Variants in CSMD1 observed in about 807,000 individuals in gnomAD.
CSMD1 encodes CUB and sushi domain-containing protein 1.
A neutral mutation model predicts 417.5 loss-of-function variants in CSMD1; 213 were observed. That is an observed-to-expected ratio of 0.51 (90% CI 0.46 to 0.57). CSMD1 has a LOEUF of 0.57. CSMD1 is among the 20% of genes least tolerant of loss of function. The probability of loss-of-function intolerance (pLI) is 0.00; values close to 1 mark genes in which losing one functional copy is unlikely to be tolerated. For missense variants in CSMD1, 6,923 were observed against 4,529.7 expected (o/e 1.53, Z -15.17); for synonymous variants, 2,862 against 1,736.8 (o/e 1.65, Z -16.11).
At chr8:4,933,991 G>A (rs187563870) in intron 1 of CSMD1, among the ~76,000 whole-genome samples, 353 of 150,438 alleles carry the variant, frequency 2.3e-3, no homozygotes, top group Non-Finnish European at 4.0e-3. Context: ...AGTTACTTAC[G>A]TTTATGCTTT....
intron 3 of CSMD1, among the ~76,000 whole-genome samples, chr8:4,398,930 C>T (rs957938069): frequency 2.6e-5 from 4 of 152,088 alleles, no homozygotes; most frequent in Non-Finnish European, 4.4e-5. Context: ...TTAAGATGCT[C>T]CAGAATATAT....
intron 2 of CSMD1, among the ~76,000 whole-genome samples, chr8:4,475,873 A>G (rs1020548427): frequency 6.6e-6 from 1 of 152,108 alleles, no homozygotes. Flanking sequence ...TTACGCTCCG[A>G]AAGTGCTGGA....
chr8:3,340,358 T>A (rs146151722), intron 23 of CSMD1, among the ~76,000 whole-genome samples: 252 of 152,304 alleles, frequency 1.7e-3, no homozygotes, highest in African/African-American at 5.8e-3. Flanking sequence ...AAAGAAATAT[T>A]GTTTGTACCC....
intron 5 of CSMD1, among the ~76,000 whole-genome samples, chr8:3,796,711 G>A (rs1800175369): frequency 6.6e-6 from 1 of 150,446 alleles, no homozygotes; most frequent in Non-Finnish European, 1.5e-5. Context: ...AGAATGGGTA[G>A]GAAACAATTC....
intron 3 of CSMD1, among the ~76,000 whole-genome samples, chr8:4,363,836 G>T (rs539884408): frequency 6.6e-6 from 1 of 152,014 alleles, no homozygotes; most frequent in South Asian, 2.1e-4. Flanking sequence ...CTTATTTGTG[G>T]GATCTGAAAA....
rs111973194 is a variant in CSMD1, at chr8:3,493,573, T to A, written c.1448+50A>T. ...AGCAGAATCTCATCTCCACCCACCG[T>A]GCCCCGCACTGCATGCATAAGAGAA... is the stretch of plus-strand genomic sequence containing the variant. On this transcript the variant is annotated intron_variant, in intron 11 of 69. Transcript: ENST00000635120. 38 of 1,464,112 alleles carry A rather than the reference T, an allele frequency of 2.6e-5. 1 individual carries two copies. The African/African-American group carries it at 3.2e-4, about 12-fold the overall frequency. 90.7% of individuals were successfully genotyped at this position (1,464,112 alleles called of 1,614,324 possible).
intron 1 of CSMD1, among the ~76,000 whole-genome samples, chr8:4,791,934 T>A (rs1487445503): frequency 6.7e-6 from 1 of 148,598 alleles, no homozygotes; most frequent in African/African-American, 2.5e-5. Context: ...AGTTTCTTTA[T>A]GTTAGTTTTC....
intron 3 of CSMD1, among the ~76,000 whole-genome samples, chr8:4,323,256 T>G (rs973125537): frequency 2.0e-5 from 3 of 152,190 alleles, no homozygotes; most frequent in Non-Finnish European, 4.4e-5. Context: ...GCAATTTTGC[T>G]TAAACGGAAG....
chr8:3,095,107 G>A (rs1815205821), intron 47 of CSMD1, among the ~76,000 whole-genome samples: 1 of 152,120 alleles, frequency 6.6e-6, no homozygotes. Context: ...ATTTGCTCCT[G>A]AAAGTAAGAG....
At chr8:4,638,461 G>A (rs1037664696) in intron 1 of CSMD1, among the ~76,000 whole-genome samples, 1 of 152,180 alleles carries the variant, frequency 6.6e-6, no homozygotes, top group Non-Finnish European at 1.5e-5. Flanking sequence ...AACAAGGTAA[G>A]TTAAATGACG....
chr8:4,249,175 C>G (rs1802895546), intron 3 of CSMD1, among the ~76,000 whole-genome samples: 1 of 152,148 alleles, frequency 6.6e-6, no homozygotes, highest in South Asian at 2.1e-4. Flanking sequence ...GAATGATAGA[C>G]TACTTGAAGC....
At chr8:3,894,473 T>G (rs1335419571) in intron 5 of CSMD1, among the ~76,000 whole-genome samples, 1 of 152,148 alleles carries the variant, frequency 6.6e-6, no homozygotes, top group Non-Finnish European at 1.5e-5. Flanking sequence ...TCTTGAGACC[T>G]CAAATATAGA....
intron 6 of CSMD1, among the ~76,000 whole-genome samples, chr8:3,749,316 G>A (rs577028873): frequency 2.0e-5 from 3 of 152,238 alleles, no homozygotes; most frequent in South Asian, 2.1e-4. Flanking sequence ...TATATTGTGG[G>A]TTTTTCCCCT....
chr8:3,980,555 C>T (rs562197839), intron 5 of CSMD1, among the ~76,000 whole-genome samples: 1 of 152,212 alleles, frequency 6.6e-6, no homozygotes, highest in African/African-American at 2.4e-5. Context: ...TTTGGTTTTC[C>T]ACTCAAATTC....
chr8:4,825,875 G>A (rs948571413), intron 1 of CSMD1, among the ~76,000 whole-genome samples: 4 of 151,206 alleles, frequency 2.6e-5, no homozygotes, highest in African/African-American at 7.3e-5. Context: ...TGTCCAATAA[G>A]CACATGAAAA....
chr8:4,800,726 T>C (rs9644371), intron 1 of CSMD1, among the ~76,000 whole-genome samples: 9,798 of 152,170 alleles, frequency 0.064, 523 homozygotes, highest in East Asian at 0.23. Flanking sequence ...AGAGCTGCAT[T>C]GCTTAAGGCC....
intron 3 of CSMD1, among the ~76,000 whole-genome samples, chr8:4,243,531 G>A (rs1802527938): frequency 6.6e-6 from 1 of 152,090 alleles, no homozygotes; most frequent in Non-Finnish European, 1.5e-5. Flanking sequence ...TTTGTAACCA[G>A]AGAAATGGGG....
At chr8:3,999,329 A>C (rs78026125) in intron 4 of CSMD1, among the ~76,000 whole-genome samples, 4 of 152,164 alleles carry the variant, frequency 2.6e-5, no homozygotes, top group Admixed American at 6.5e-5. Flanking sequence ...TACAAAGTGC[A>C]TATCTTCGAC....
At chr8:3,628,147 C>T (rs1293306026) in intron 7 of CSMD1, among the ~76,000 whole-genome samples, 3 of 152,132 alleles carry the variant, frequency 2.0e-5, no homozygotes, top group East Asian at 3.9e-4. Flanking sequence ...CCTTTGTTGA[C>T]GTGTAAACCC....
Sources: gnomAD v4.1 joint callset for allele counts (sites outside exome capture counted in the v4.1 genomes callset) on GRCh38, gnomAD v4.1.1 for gene constraint, MANE v1.5 for transcripts, NCBI Gene and HGNC (gene_info 2026-07-23, HGNC 2026-07-21) for gene names.